Variants in ERBB4 observed in about 807,000 individuals in gnomAD.
ERBB4 encodes the protein erb-b2 receptor tyrosine kinase 4.
ERBB4 carries 42 observed loss-of-function variants against 158.0 expected under a neutral mutation model. The ratio of observed to expected loss-of-function variants is 0.27; its 90% confidence interval spans 0.21 to 0.34. ERBB4 has a LOEUF of 0.34. Among genes scored for constraint, ERBB4 ranks in the 10% least tolerant of loss-of-function variants. The probability of loss-of-function intolerance (pLI) is 1.00; values close to 1 mark genes in which losing one functional copy is unlikely to be tolerated. For synonymous variants in ERBB4, 583 were observed against 558.7 expected (o/e 1.04, Z -0.61); for missense variants, 1,333 against 1,624.1 (o/e 0.82, Z 3.08).
At chr2:212,260,103 A>G (rs2084885220) in intron 1 of ERBB4, among the ~76,000 whole-genome samples, 1 of 152,004 alleles carries the variant, frequency 6.6e-6, no homozygotes, top group Non-Finnish European at 1.5e-5. Context: ...AAAGAAATGT[A>G]CTACTTGTAC....
intron 1 of ERBB4, among the ~76,000 whole-genome samples, chr2:212,473,869 T>C (rs538054305): frequency 2.6e-5 from 4 of 152,234 alleles, no homozygotes; most frequent in African/African-American, 9.6e-5. Flanking sequence ...AGCTATATTA[T>C]GAAAATAACC....
chr2:211,900,215 G>A (rs1407985754), intron 3 of ERBB4, among the ~76,000 whole-genome samples: 1 of 152,044 alleles, frequency 6.6e-6, no homozygotes, highest in Non-Finnish European at 1.5e-5. Context: ...ACATTAAGCG[G>A]CTCTTGCATT....
chr2:211,645,876 C>T (rs1252784275), intron 16 of ERBB4, among the ~76,000 whole-genome samples: 1 of 151,584 alleles, frequency 6.6e-6, no homozygotes, highest in Non-Finnish European at 1.5e-5. Flanking sequence ...TGAATATTTT[C>T]ATGTATTTTA....
intron 1 of ERBB4, among the ~76,000 whole-genome samples, chr2:212,292,800 A>T (rs1202047930): frequency 6.6e-6 from 1 of 152,076 alleles, no homozygotes; most frequent in Non-Finnish European, 1.5e-5. Flanking sequence ...TTGAAAGATA[A>T]ACCAGAGAAC....
At chr2:212,219,139 A>T (rs1304741683) in intron 1 of ERBB4, among the ~76,000 whole-genome samples, 1 of 151,446 alleles carries the variant, frequency 6.6e-6, no homozygotes, top group Non-Finnish European at 1.5e-5. Flanking sequence ...ACAGATTACA[A>T]TCTAACTACT....
chr2:212,371,879 G>T (rs534274669), intron 1 of ERBB4, among the ~76,000 whole-genome samples: 12 of 152,154 alleles, frequency 7.9e-5, no homozygotes, highest in African/African-American at 2.9e-4. Context: ...ACATAGGCGA[G>T]AACTTGGTTT....
chr2:212,337,193 T>C (rs1039786745), intron 1 of ERBB4, among the ~76,000 whole-genome samples: 1 of 152,116 alleles, frequency 6.6e-6, no homozygotes, highest in Admixed American at 6.6e-5. Context: ...TTTGGAGTTA[T>C]TCTTTTGGAA....
intron 25 of ERBB4, among the ~76,000 whole-genome samples, chr2:211,400,755 A>ATAT (rs2125353039): frequency 6.6e-6 from 1 of 151,156 alleles, no homozygotes; most frequent in East Asian, 1.9e-4. Context: ...ATTTAGCTGT[A>ATAT]TATTTTAAAA....
intron 2 of ERBB4, among the ~76,000 whole-genome samples, chr2:212,081,200 G>C (rs2078432260): frequency 6.6e-6 from 1 of 152,182 alleles, no homozygotes. Flanking sequence ...ATAAAAAGAC[G>C]GGTGGTGAGG....
At chr2:211,676,574 A>C (rs947736157) in intron 13 of ERBB4, among the ~76,000 whole-genome samples, 37 of 148,974 alleles carry the variant, frequency 2.5e-4, no homozygotes, top group African/African-American at 8.4e-4. Context: ...AAAAAAACAA[A>C]CAAACAAAAA....
At chr2:211,485,553 T>A (rs2065181786) in intron 20 of ERBB4, among the ~76,000 whole-genome samples, 1 of 152,134 alleles carries the variant, frequency 6.6e-6, no homozygotes, top group African/African-American at 2.4e-5. Flanking sequence ...TTCTCTCAAG[T>A]CCTGTAAGCC....
chr2:212,288,050 T>G (rs1171438589), intron 1 of ERBB4, among the ~76,000 whole-genome samples: 2 of 151,992 alleles, frequency 1.3e-5, no homozygotes, highest in Non-Finnish European at 2.9e-5. Context: ...ACCCCAGAAC[T>G]TAAAATAAAT....
intron 25 of ERBB4, among the ~76,000 whole-genome samples, chr2:211,391,785 A>G (rs995214655): frequency 2.6e-5 from 4 of 152,158 alleles, no homozygotes; most frequent in African/African-American, 9.7e-5. Context: ...ATTATTTAAT[A>G]TTGTTCCTGA....
In ERBB4 at chr2:211,386,758, C is replaced by A. The variant is rs1394083033; in HGVS notation, c.3481+95G>T. ...CCTTTACTGGATCACAAATGTTGTG[C>A]TGGTCAGCTATCTGGCAATTTCTAT... On this transcript the variant is annotated intron_variant, in intron 27 of 27. Coordinates refer to ENST00000342788, the MANE Select transcript of ERBB4 (RefSeq NM_005235.3). 3 of 1,224,100 alleles carry A rather than the reference C, an allele frequency of 2.5e-6. No homozygotes were observed. The African/African-American group carries it at 4.4e-5, about 18-fold the overall frequency. The allele number at this position is 1,224,100 out of a possible 1,614,324, so 75.8% of individuals were successfully genotyped here. A position where few individuals can be genotyped will look rare whatever the true frequency, so the allele number is the denominator to read the frequency against.
At chr2:211,903,739 T>G (rs1228842465) in intron 3 of ERBB4, among the ~76,000 whole-genome samples, 1 of 151,926 alleles carries the variant, frequency 6.6e-6, no homozygotes, top group African/African-American at 2.4e-5. Context: ...AAAAGAGGTT[T>G]GTATTAAATG....
At chr2:212,492,168 T>C (rs1690316151) in intron 1 of ERBB4, among the ~76,000 whole-genome samples, 1 of 151,448 alleles carries the variant, frequency 6.6e-6, no homozygotes, top group Non-Finnish European at 1.5e-5. Context: ...AGGTAAAATA[T>C]GAAATTGGAT....
intron 4 of ERBB4, among the ~76,000 whole-genome samples, chr2:211,767,287 G>A (rs2075575095): frequency 6.6e-6 from 1 of 152,020 alleles, no homozygotes. Flanking sequence ...AAAAATAGAA[G>A]AGAGTAATAC....
chr2:211,599,061 G>A (rs1357442625), intron 19 of ERBB4, among the ~76,000 whole-genome samples: 3 of 152,058 alleles, frequency 2.0e-5, no homozygotes, highest in Non-Finnish European at 4.4e-5. Context: ...GATACAAAAG[G>A]GTCCTAATAC....
chr2:211,549,304 A>C (rs528836085), intron 20 of ERBB4, among the ~76,000 whole-genome samples: 1 of 152,098 alleles, frequency 6.6e-6, no homozygotes, highest in African/African-American at 2.4e-5. Flanking sequence ...AAAAGGCAGA[A>C]CTCAACCACC....
Sources: allele counts gnomAD v4.1 joint callset (sites outside exome capture counted in the v4.1 genomes callset), GRCh38; gene constraint gnomAD v4.1.1; transcripts MANE v1.5; gene names NCBI Gene and HGNC (gene_info 2026-07-23, HGNC 2026-07-21).